Variants in GCFC2 observed in about 807,000 individuals in gnomAD.
GCFC2 encodes the protein intron Large complex component GCFC2.
Under a neutral mutation model 99.4 loss-of-function variants are expected in GCFC2, and 102 were observed. The ratio of observed to expected loss-of-function variants is 1.03; its 90% confidence interval spans 0.87 to 1.21. The LOEUF (loss-of-function observed/expected upper bound fraction) is 1.21, where lower values mean the gene tolerates loss of function less well. Among genes scored for constraint, GCFC2 ranks in the 50% most tolerant of loss-of-function variants. The pLI is 0.00. For synonymous variants in GCFC2, 338 were observed against 316.8 expected (o/e 1.07, Z -0.71); for missense variants, 973 against 920.9 (o/e 1.06, Z -0.73).
Position 75,688,190 on chromosome 2 carries a change from T to G in GCFC2, c.1540-213A>C, listed in dbSNP as rs1213232640. On this transcript the variant is annotated intron_variant, in intron 10 of 16. Transcript: ENST00000321027. ...AAGTAACATAAGAAGAAGCTGCATT[T>G]CATGCATTCAATCACACAACAAACA... is the stretch of plus-strand genomic sequence containing the variant. 2.0e-5 allele frequency among the ~76,000 whole-genome samples: 3 copies of G among 152,186 alleles called. No individual in the cohort carries two copies. In the East Asian group the frequency reaches 5.8e-4, roughly 29 times the overall value.
intron 10 of GCFC2, 69 bp from the exon 11 acceptor site, chr2:75,688,046 T>C: frequency 3.2e-6 from 3 of 941,332 alleles, no homozygotes; most frequent in Middle Eastern, 2.5e-4. Flanking sequence ...ATAGTTATTA[T>C]TTTTTTCAAT....
chr2:75,672,667 G>A (rs1218171371), intron 13 of GCFC2, among the ~76,000 whole-genome samples: 1 of 152,112 alleles, frequency 6.6e-6, no homozygotes, highest in Admixed American at 6.5e-5. Flanking sequence ...AGAATTTACA[G>A]GTGCAGTTTC....
chr2:75,711,918 G>A (rs1218770621), upstream of GCFC2, among the ~76,000 whole-genome samples: 3 of 152,228 alleles, frequency 2.0e-5, no homozygotes, highest in African/African-American at 4.8e-5. Flanking sequence ...CCTGCTCCAC[G>A]GCGCCCAGTC....
At chr2:75,677,688 A>C (rs1190004349) in intron 12 of GCFC2, among the ~76,000 whole-genome samples, 5 of 152,296 alleles carry the variant, frequency 3.3e-5, no homozygotes, top group Middle Eastern at 3.4e-3. Flanking sequence ...TCAGAATAAA[A>C]ACATCCATTA....
At chr2:75,681,250 G>T (rs2104288007) in intron 11 of GCFC2, among the ~76,000 whole-genome samples, 1 of 152,300 alleles carries the variant, frequency 6.6e-6, no homozygotes, top group East Asian at 1.9e-4. Flanking sequence ...CATTGGGCCT[G>T]GTTGGACAGT....
chr2:75,689,884 T>C, intron 9 of GCFC2, 85 bp downstream of exon 9: 4 of 724,836 alleles, frequency 5.5e-6, no homozygotes, highest in Non-Finnish European at 7.3e-6. Flanking sequence ...ATATAGCTTA[T>C]GTACTTATTA....
At chr2:75,693,936 A>G (rs1406228220) in intron 6 of GCFC2, among the ~76,000 whole-genome samples, 1 of 152,102 alleles carries the variant, frequency 6.6e-6, no homozygotes, top group Non-Finnish European at 1.5e-5. Flanking sequence ...ATGTTTCATA[A>G]GCCTTAAAAA....
In GCFC2 at chr2:75,692,007, G is replaced by C; in HGVS notation, c.1114C>G (p.His372Asp). 1.3e-6 allele frequency: 2 copies of C among 1,551,730 alleles called. No individual in the cohort carries two copies. The highest frequency in any genetic ancestry group is 1.7e-6 in the Non-Finnish European group (2 of 1,142,896). ...AACTGTTGTAAATACGTTGATTCATGTTTTAATTCATCTTGCCTGCGTTTC... is the reference window on the plus strand; with the variant it reads ...AACTGTTGTAAATACGTTGATTCATCTTTTAATTCATCTTGCCTGCGTTTC... ...FMKRRQDELK[H>D]ESTYLQQLSR... Residue 372 changes from histidine to aspartate, a missense_variant, in exon 7 of 17, where the codon CAT becomes GAT. By Grantham distance (81) the His-to-Asp change is moderately conservative (BLOSUM62 -1). Transcript: ENST00000321027.
intron 8 of GCFC2, 198 bp downstream of exon 8, chr2:75,690,440 T>C (rs1680015279): frequency 3.7e-6 from 2 of 542,984 alleles, no homozygotes; most frequent in Non-Finnish European, 6.4e-6. Context: ...TACCCATTCC[T>C]TTTAACTGAT....
At chr2:75,684,554 T>A (rs1220121039) in intron 11 of GCFC2, among the ~76,000 whole-genome samples, 1 of 152,136 alleles carries the variant, frequency 6.6e-6, no homozygotes, top group Admixed American at 6.5e-5. Flanking sequence ...CATCCTAACA[T>A]CACAATTAAA....
intron 3 of GCFC2, among the ~76,000 whole-genome samples, chr2:75,701,571 C>T (rs1470617538): frequency 6.6e-6 from 1 of 152,162 alleles, no homozygotes; most frequent in South Asian, 2.1e-4. Context: ...CTGTCCCACT[C>T]AAAACACTAT....
At chr2:75,709,428 T>C (rs1252828953) in intron 1 of GCFC2, among the ~76,000 whole-genome samples, 1 of 152,132 alleles carries the variant, frequency 6.6e-6, no homozygotes, top group African/African-American at 2.4e-5. Flanking sequence ...CTGGAGGACA[T>C]TATGTTACAT....
At chr2:75,711,309 G>A (rs889516871), upstream of GCFC2, 6 of 611,700 alleles carry the variant, frequency 9.8e-6, no homozygotes, top group East Asian at 8.4e-4. Context: ...GCAGTGTGAG[G>A]CTCGGGGTAG....
chr2:75,698,663 C>T (rs527434282), intron 4 of GCFC2, among the ~76,000 whole-genome samples: 22 of 152,058 alleles, frequency 1.4e-4, no homozygotes, highest in African/African-American at 4.6e-4. Flanking sequence ...AGGGAAAAAC[C>T]GTAATACTCA....
At position 75,681,534 on chromosome 2, in the gene GCFC2, CT is replaced by C. The variant is rs568994356; in HGVS notation, c.1691-1221del. 2.2e-3 allele frequency among the ~76,000 whole-genome samples: 327 copies of C among 151,132 alleles called. 9 individuals are homozygous for C. Among genetic ancestry groups the C allele is most frequent in the African/African-American group, 7.7e-3 (313 of 40,898 alleles). ...GGGCAGACATCAAACTAGCTGCAGG[CT>C]TTTTTTTTAATTTTTATTTTTTCAT... On this transcript the variant is annotated intron_variant, in intron 11 of 16. Coordinates refer to ENST00000321027, the MANE Select transcript of GCFC2 (RefSeq NM_003203.5).
intron 6 of GCFC2, among the ~76,000 whole-genome samples, chr2:75,692,817 T>C (rs1025449030): frequency 3.3e-5 from 5 of 151,948 alleles, no homozygotes; most frequent in African/African-American, 9.7e-5. Flanking sequence ...CTGGTGAAAT[T>C]TGAAAAATCG....
At chr2:75,686,052 CTCAG>C (rs1163651943) in intron 11 of GCFC2, among the ~76,000 whole-genome samples, 1 of 152,118 alleles carries the variant, frequency 6.6e-6, no homozygotes. Flanking sequence ...ACTATTTGGA[CTCAG>C]TCAGTGTTAA....
At chr2:75,710,992 C>G (rs1047228499), upstream of GCFC2, 8 of 1,358,006 alleles carry the variant, frequency 5.9e-6, no homozygotes, top group African/African-American at 7.7e-5. Context: ...TTCTGCTCAC[C>G]GCTACTCTGT....
intron 1 of GCFC2, 46 bp from the exon 2 acceptor site, chr2:75,706,697 G>C (rs371628419): frequency 7.5e-7 from 1 of 1,339,794 alleles, no homozygotes; most frequent in Non-Finnish European, 1.1e-6. Context: ...TCAAAATAAT[G>C]GAATTATTAA....
Sources: allele counts gnomAD v4.1 joint callset (sites outside exome capture counted in the v4.1 genomes callset), GRCh38; gene constraint gnomAD v4.1.1; transcripts MANE v1.5; gene names NCBI Gene and HGNC (gene_info 2026-07-23, HGNC 2026-07-21).